The following COMMD5 variants were observed in gnomAD, a reference collection of about 807,000 sequenced individuals.
COMMD5 encodes the protein COMM domain-containing protein 5.
A neutral mutation model predicts 6.9 loss-of-function variants in COMMD5; 10 were observed. The ratio of observed to expected loss-of-function variants is 1.44; its 90% CI spans 0.89 to 2.45. The LOEUF (loss-of-function observed/expected upper bound fraction) is 2.45. Among genes scored for constraint, COMMD5 ranks in the 30% most tolerant of loss-of-function variants. The pLI is 0.00. For synonymous variants in COMMD5, 127 were observed against 125.3 expected, an observed-to-expected ratio of 1.01 and a Z score of -0.09; for missense variants, 234 against 287.8, an observed-to-expected ratio of 0.81 and a Z score of 1.35.
At chr8:144,845,450 G>A (rs79538429), downstream of COMMD5, among the ~76,000 whole-genome samples, 823 of 152,196 alleles carry the variant, frequency 5.4e-3, 6 homozygotes, top group African/African-American at 0.019. Flanking sequence ...TGGGGTTCTT[G>A]GCACATGCAG....
downstream of COMMD5, chr8:144,846,314 G>A: frequency 4.7e-6 from 4 of 851,326 alleles, no homozygotes; most frequent in African/African-American, 1.7e-5. Context: ...CCTAAGTCAG[G>A]GGCTGGCAAA....
At chr8:144,844,659 A>C (rs1830393211) in intron 1 of COMMD5, among the ~76,000 whole-genome samples, 1 of 149,396 alleles carries the variant, frequency 6.7e-6, no homozygotes, top group Admixed American at 6.7e-5. Flanking sequence ...CAGTGAGCCA[A>C]GATCACGCCA....
At chr8:144,848,541 T>G (rs949022732), downstream of COMMD5, among the ~76,000 whole-genome samples, 1 of 152,080 alleles carries the variant, frequency 6.6e-6, no homozygotes, top group African/African-American at 2.4e-5. Context: ...CATATACATT[T>G]GTTTACGTAT....
At position 144,841,089 on chromosome 8, in the gene COMMD5, T is replaced by C. The variant is rs1250769245; in HGVS notation, c.*771A>G. The C allele has an allele frequency of 1.6e-5, 7 of 450,348 alleles. No individual in the cohort carries two copies. In the East Asian group the frequency reaches 2.3e-4, roughly 15 times the overall value. The allele number at this position is 450,348 out of a possible 1,614,324, so 27.9% of individuals were successfully genotyped here. A position where few individuals can be genotyped will look rare whatever the true frequency, so the allele number is the denominator to read the frequency against. ...GGACTGTGCCCCACACCAGTGCCTG[T>C]AGGATGGACCTCTCTGCTCACAGAA... On this transcript the variant is annotated 3_prime_UTR_variant and NMD_transcript_variant, in exon 2 of 2. Coordinates refer to the COMMD5 transcript ENST00000530332.
chr8:144,850,954 C>G lies in COMMD5; in HGVS notation c.385G>C (p.Val129Leu). The G allele has an allele frequency of 6.2e-7, 1 of 1,609,308 alleles. No homozygotes were observed. Among genetic ancestry groups the G allele is most frequent in the Non-Finnish European group, 8.5e-7 (1 of 1,178,424 alleles). The change falls in exon 2 of 2, where the codon GTG becomes CTG. Residue 129 changes from valine to leucine, a missense_variant. Transcript: ENST00000305103. The surrounding 1 kb of genome is among the most constrained non-coding windows in gnomAD (Gnocchi z 4.0). ...AGGGGCCGCTGGCTCCCAAATACCA[C>G]GCTGGCCAAGTCCCCGACCAGGTCT... ...PQDLVGDLAS[V>L]VFGSQRPLLD...
chr8:144,851,481 C>A, intron 1 of COMMD5, 86 bp from the exon 2 acceptor site: 1 of 898,340 alleles, frequency 1.1e-6, no homozygotes, highest in Non-Finnish European at 1.7e-6. Flanking sequence ...CCATCATCAG[C>A]ATGCTGACAG....
chr8:144,842,816 A>T, intron 1 of COMMD5: 1 of 1,614,236 alleles, frequency 6.2e-7, no homozygotes, highest in Non-Finnish European at 8.5e-7. Flanking sequence ...ACCCTTTTCC[A>T]ACACCAGATA....
chr8:144,840,036 G>A (rs548344273), downstream of COMMD5, among the ~76,000 whole-genome samples: 11 of 152,372 alleles, frequency 7.2e-5, no homozygotes, highest in Admixed American at 1.3e-4. Context: ...CCAGGTTCAA[G>A]TGATTCTTGT....
chr8:144,843,271 A>G, intron 1 of COMMD5: 1 of 1,360,840 alleles, frequency 7.3e-7, no homozygotes, highest in Non-Finnish European at 9.9e-7. Flanking sequence ...GAATGTTGGT[A>G]AAGGTTCAGA....
downstream of COMMD5, among the ~76,000 whole-genome samples, chr8:144,845,572 TG>T (rs1830466178): frequency 6.6e-6 from 1 of 152,218 alleles, no homozygotes; most frequent in Non-Finnish European, 1.5e-5. Context: ...TCTAACAGGC[TG>T]GGACCTTGTC....
chr8:144,842,925 C>G (rs757589476), intron 1 of COMMD5: 8 of 1,614,104 alleles, frequency 5.0e-6, no homozygotes, highest in Non-Finnish European at 6.8e-6. Flanking sequence ...ACACTAGGGC[C>G]CAGTGGTTTT....
chr8:144,841,616 G>T, exon 2 of COMMD5: 1 of 1,614,224 alleles, frequency 6.2e-7, no homozygotes, highest in Non-Finnish European at 8.5e-7. Context: ...GCACCCCAGG[G>T]ATGTAAGGAG....
rs888979181 is a variant in COMMD5, at chr8:144,850,600, C to T, written c.*64G>A. ...GGGCTGTCGTGGGAAGAGTCAGCTG[C>T]ACTTTGGCACCATCTCAGGTGCCTG... On this transcript the variant is annotated 3_prime_UTR_variant, in exon 2 of 2. Coordinates refer to ENST00000305103, the MANE Select transcript of COMMD5 (RefSeq NM_014066.4). The surrounding 1 kb of genome is among the most constrained non-coding windows in gnomAD (Gnocchi z 4.0). 1.3e-6 allele frequency: 2 copies of T among 1,542,768 alleles called. No homozygotes were observed. The highest frequency in any genetic ancestry group is 1.8e-6 in the Non-Finnish European group (2 of 1,136,502).
At chr8:144,838,152 G>A (rs746000436), downstream of COMMD5, 253 of 702,894 alleles carry the variant, frequency 3.6e-4, 1 homozygote, top group South Asian at 5.3e-4. Context: ...TTGTGGATGC[G>A]TCCCTCACTC....
downstream of COMMD5, among the ~76,000 whole-genome samples, chr8:144,840,674 C>T (rs1329264182): frequency 6.6e-6 from 1 of 152,126 alleles, no homozygotes; most frequent in Non-Finnish European, 1.5e-5. Context: ...CTCCTGGGGG[C>T]CTCCAGAAAC....
rs769784550 is a variant in COMMD5, at chr8:144,851,225, C to G, written c.114G>C (p.Arg38=). The G allele has an allele frequency of 1.9e-5, 31 of 1,613,914 alleles. No homozygotes were observed. The highest frequency in any genetic ancestry group is 1.7e-5 in the Non-Finnish European group (20 of 1,180,048). ...QLPPEVAAMA[R]LLGDLDRSTF... is the part of the protein sequence containing the mutation. The stretch of plus-strand genomic sequence containing the variant: ...TGCTCCTGTCTAGGTCCCCTAGTAG[C>G]CGGGCCATTGCTGCCACCTCTGGAG... Residue 38 remains arginine, a synonymous_variant, in exon 2 of 2, where the codon CGG becomes CGC. Coordinates refer to ENST00000305103, the MANE Select transcript of COMMD5 (RefSeq NM_014066.4).
At chr8:144,841,548 C>G (rs772460214) in exon 2 of COMMD5, 2 of 1,614,168 alleles carry the variant, frequency 1.2e-6, no homozygotes, top group Non-Finnish European at 1.7e-6. Context: ...CAGGCTTTAC[C>G]TTCCAAAATA....
chr8:144,840,730 G>A (rs543904100), downstream of COMMD5, among the ~76,000 whole-genome samples: 9 of 152,238 alleles, frequency 5.9e-5, no homozygotes, highest in Admixed American at 6.5e-5. Flanking sequence ...AGGTGGCCAC[G>A]CACAGCCCAG....
upstream of COMMD5, chr8:144,853,247 G>A (rs1830835675): frequency 1.3e-5 from 2 of 152,100 alleles, no homozygotes; most frequent in Non-Finnish European, 2.9e-5. Context: ...AAAAGAAGGC[G>A]GTGTTGTGTT....
Sources: allele counts gnomAD v4.1 joint callset (sites outside exome capture counted in the v4.1 genomes callset), GRCh38; gene constraint gnomAD v4.1.1; non-coding constraint Gnocchi (gnomAD v3.1); transcripts MANE v1.5; gene names NCBI Gene and HGNC (gene_info 2026-07-23, HGNC 2026-07-21).